Variants in STN1 observed in about 807,000 individuals in gnomAD.
The protein encoded by STN1 is CST complex subunit STN1.
In STN1, 29 loss-of-function variants were observed where a neutral mutation model predicts 45.5. That is an observed-to-expected ratio of 0.64 (90% CI 0.47 to 0.87). STN1 has a LOEUF of 0.87. Ranked by LOEUF, STN1 falls within the 40% of genes least tolerant of loss-of-function variation. STN1 has a pLI of 0.00. For missense variants in STN1, 376 were observed against 441.4 expected (o/e 0.85, Z 1.33); for synonymous variants, 148 against 159.0 (o/e 0.93, Z 0.52).
chr10:103,889,948 A>G (rs1843128667), intron 8 of STN1, among the ~76,000 whole-genome samples: 1 of 151,936 alleles, frequency 6.6e-6, no homozygotes. Context: ...AAGTGATTCC[A>G]CCCGACTTGG....
intron 7 of STN1, among the ~76,000 whole-genome samples, chr10:103,895,075 AAT>A (rs769355401): frequency 3.6e-4 from 55 of 152,246 alleles, no homozygotes; most frequent in Non-Finnish European, 6.9e-4. Flanking sequence ...GTCTCCCAGG[AAT>A]CTATTAAACA....
chr10:103,893,995 C>T (rs1022233226), intron 7 of STN1, among the ~76,000 whole-genome samples: 1 of 152,158 alleles, frequency 6.6e-6, no homozygotes, highest in African/African-American at 2.4e-5. Flanking sequence ...GGCAGAAAAC[C>T]TCTCTGGGTG....
At chr10:103,903,557 G>T (rs1245451064) in intron 4 of STN1, among the ~76,000 whole-genome samples, 1 of 152,104 alleles carries the variant, frequency 6.6e-6, no homozygotes, top group Non-Finnish European at 1.5e-5. Flanking sequence ...TGCAGAAGTG[G>T]TTCTCATTCT....
chr10:103,915,347 T>G (rs1843324286), intron 2 of STN1, among the ~76,000 whole-genome samples: 1 of 152,150 alleles, frequency 6.6e-6, no homozygotes, highest in South Asian at 2.1e-4. Context: ...AACTCTCTAA[T>G]TGAACAGTTG....
chr10:103,907,349 A>C (rs1843248408), intron 3 of STN1, among the ~76,000 whole-genome samples: 1 of 152,240 alleles, frequency 6.6e-6, no homozygotes, highest in African/African-American at 2.4e-5. Flanking sequence ...GCTCATTGTA[A>C]AATAGAAATA....
At chr10:103,890,971 A>G (rs1564632006) in intron 8 of STN1, among the ~76,000 whole-genome samples, 1 of 152,184 alleles carries the variant, frequency 6.6e-6, no homozygotes, top group Non-Finnish European at 1.5e-5. Flanking sequence ...TATTAAAGGT[A>G]TGCAGCAAAA....
chr10:103,897,455 T>C (rs913816290), intron 7 of STN1, 93 bp downstream of exon 7: 13 of 1,137,734 alleles, frequency 1.1e-5, no homozygotes, highest in Non-Finnish European at 1.7e-5. Context: ...GTCAACTCTG[T>C]GAATCTTCAT....
intron 4 of STN1, among the ~76,000 whole-genome samples, chr10:103,903,243 G>A (rs1843220939): frequency 6.6e-6 from 1 of 152,174 alleles, no homozygotes; most frequent in South Asian, 2.1e-4. Flanking sequence ...ACCATAGGGT[G>A]CACAAACAGA....
intron 3 of STN1, among the ~76,000 whole-genome samples, chr10:103,909,895 T>G (rs965223409): frequency 9.9e-5 from 15 of 152,180 alleles, no homozygotes; most frequent in Admixed American, 6.5e-5. Context: ...TACAAGGCAA[T>G]GTATTAAATG....
chr10:103,910,490 T>C lies in STN1; in HGVS notation c.229+37A>G, dbSNP rs771933128. The C allele has an allele frequency of 4.2e-6, 6 of 1,419,352 alleles. No individual in the cohort carries two copies. The Middle Eastern group carries it at 5.3e-4, about 125-fold the overall frequency. The allele number at this position is 1,419,352 out of a possible 1,614,324, so 87.9% of individuals were successfully genotyped here. A position where few individuals can be genotyped will look rare whatever the true frequency, so the allele number is the denominator to read the frequency against. On this transcript the variant is annotated intron_variant, in intron 3 of 9. Coordinates refer to ENST00000224950, the MANE Select transcript of STN1 (RefSeq NM_024928.5). ...ACTTTCAGCCCAGAAGGGTCAGCCT[T>C]CTACATCAACTTCATTTCAGACACA...
intron 1 of STN1, among the ~76,000 whole-genome samples, 179 bp downstream of exon 1, chr10:103,917,921 G>A (rs1564636848): frequency 6.6e-6 from 1 of 152,250 alleles, no homozygotes; most frequent in African/African-American, 2.4e-5. Flanking sequence ...ACTCTGGGAA[G>A]ATACGTCTGT....
Position 103,918,153 on chromosome 10 carries a change from C to A in STN1, c.-116G>T, listed in dbSNP as rs111447985. ...CAGGAGCCCTGAGACCTGGCCCTTCCGGCGCTCGGAGCCGCTGGCGGCGAC... is the reference window on the plus strand; with the variant it reads ...CAGGAGCCCTGAGACCTGGCCCTTCAGGCGCTCGGAGCCGCTGGCGGCGAC... On this transcript the variant is annotated 5_prime_UTR_variant, in exon 1 of 10. Transcript: ENST00000224950. The A allele has an allele frequency of 0.012, 1,858 of 152,634 alleles. 50 individuals are homozygous for A. Among genetic ancestry groups the A allele is most frequent in the East Asian group, 0.075 (386 of 5,172 alleles). The allele number at this position is 152,634 out of a possible 1,614,324, so 9.5% of individuals were successfully genotyped here.
At position 103,882,030 on chromosome 10, in the gene STN1, T is replaced by A. The variant is rs558452758; in HGVS notation, c.*654A>T. Among the ~76,000 whole-genome samples, 26 of 152,354 alleles carry A rather than the reference T, an allele frequency of 1.7e-4. No individual in the cohort carries two copies. In the South Asian group the frequency reaches 5.4e-3, roughly 32 times the overall value. ...GTGCAGGGAAATGTACTGGGACACC[T>A]TTCGATTCCCAAGGAAATAAAAGGA... On this transcript the variant is annotated 3_prime_UTR_variant, in exon 10 of 10. Coordinates refer to ENST00000224950, the MANE Select transcript of STN1 (RefSeq NM_024928.5).
intron 3 of STN1, among the ~76,000 whole-genome samples, chr10:103,907,747 G>A (rs1051317636): frequency 6.6e-6 from 1 of 151,900 alleles, no homozygotes; most frequent in Non-Finnish European, 1.5e-5. Flanking sequence ...AGGACATTTT[G>A]CGTTAAAAAA....
chr10:103,895,891 T>C (rs766784786), intron 7 of STN1, among the ~76,000 whole-genome samples: 5 of 152,196 alleles, frequency 3.3e-5, no homozygotes, highest in Admixed American at 6.5e-5. Context: ...ACAAAGACTG[T>C]AGGGGCCAAC....
At chr10:103,895,906 A>T (rs1335092344) in intron 7 of STN1, among the ~76,000 whole-genome samples, 2 of 152,232 alleles carry the variant, frequency 1.3e-5, no homozygotes, top group Non-Finnish European at 2.9e-5. Flanking sequence ...GCCAACCTAT[A>T]TGTACGGCTA....
At chr10:103,905,560 G>C (rs1339291393) in intron 3 of STN1, among the ~76,000 whole-genome samples, 5 of 152,196 alleles carry the variant, frequency 3.3e-5, no homozygotes, top group African/African-American at 1.2e-4. Context: ...AAACAAGAGA[G>C]CATCGTGTGG....
intron 2 of STN1, among the ~76,000 whole-genome samples, chr10:103,915,172 T>C (rs1843323266): frequency 6.6e-6 from 1 of 152,184 alleles, no homozygotes; most frequent in Non-Finnish European, 1.5e-5. Context: ...CAACACATGA[T>C]TATCAACTAG....
intron 6 of STN1, among the ~76,000 whole-genome samples, chr10:103,898,649 A>G (rs1843187089): frequency 6.6e-6 from 1 of 152,164 alleles, no homozygotes; most frequent in Non-Finnish European, 1.5e-5. Flanking sequence ...GACTCCAATT[A>G]CACCCATAAT....
Sources: allele counts gnomAD v4.1 joint callset (sites outside exome capture counted in the v4.1 genomes callset), GRCh38; gene constraint gnomAD v4.1.1; transcripts MANE v1.5; gene names NCBI Gene and HGNC (gene_info 2026-07-23, HGNC 2026-07-21).